KCNH5: variants seen among roughly 807,000 people sequenced by gnomAD.
KCNH5 encodes the protein potassium voltage-gated channel subfamily H member 5, also known as voltage-gated delayed rectifier potassium channel KCNH5.
A neutral mutation model predicts 96.1 loss-of-function variants in KCNH5; 46 were observed. The ratio of observed to expected loss-of-function variants is 0.48; its 90% confidence interval spans 0.38 to 0.61. The LOEUF is 0.61. Ranked by LOEUF, KCNH5 falls within the 20% of genes least tolerant of loss-of-function variation. The probability of loss-of-function intolerance (pLI) is 0.00; values close to 1 mark genes in which losing one functional copy is unlikely to be tolerated. For missense variants in KCNH5, 907 were observed against 1,225.8 expected, an observed-to-expected ratio of 0.74 and a Z score of 3.88; for synonymous variants, 439 against 449.8, an observed-to-expected ratio of 0.98 and a Z score of 0.30.
chr14:62,937,439 T>C (rs1348740669), intron 7 of KCNH5, among the ~76,000 whole-genome samples: 1 of 152,200 alleles, frequency 6.6e-6, no homozygotes, highest in Non-Finnish European at 1.5e-5. Flanking sequence ...AAGTAAGGGC[T>C]ACTATCCTGT....
chr14:62,894,676 C>T (rs1418945684), intron 7 of KCNH5, among the ~76,000 whole-genome samples: 2 of 152,138 alleles, frequency 1.3e-5, no homozygotes, highest in Non-Finnish European at 2.9e-5. Flanking sequence ...TTTGCCTGAC[C>T]ATTTGCTGAA....
intron 10 of KCNH5, among the ~76,000 whole-genome samples, chr14:62,722,732 T>C (rs1884841367): frequency 6.6e-6 from 1 of 152,202 alleles, no homozygotes; most frequent in South Asian, 2.1e-4. Flanking sequence ...CGTAATACAC[T>C]TTATAAAGCT....
At chr14:62,991,494 C>T (rs1444890316) in intron 4 of KCNH5, among the ~76,000 whole-genome samples, 2 of 151,958 alleles carry the variant, frequency 1.3e-5, no homozygotes, top group African/African-American at 4.8e-5. Context: ...GGAAAGGATT[C>T]TTTCTTCCTA....
chr14:62,845,060 A>G (rs1312883679), intron 8 of KCNH5, among the ~76,000 whole-genome samples: 4 of 152,160 alleles, frequency 2.6e-5, no homozygotes, highest in Admixed American at 1.3e-4. Context: ...TTCATATATT[A>G]TATTTCCTTT....
At chr14:62,910,359 C>T (rs987154057) in intron 7 of KCNH5, among the ~76,000 whole-genome samples, 5 of 151,812 alleles carry the variant, frequency 3.3e-5, no homozygotes, top group African/African-American at 4.8e-5. Flanking sequence ...ACATATTTTA[C>T]GGGGTGTCCT....
chr14:62,949,721 C>G (rs1889962139), intron 7 of KCNH5: 1 of 176,686 alleles, frequency 5.7e-6, no homozygotes, highest in African/African-American at 2.4e-5. Flanking sequence ...AAAAGTGTAT[C>G]CTAAGGTCAA....
intron 8 of KCNH5, among the ~76,000 whole-genome samples, chr14:62,816,252 C>T (rs1217210451): frequency 1.3e-5 from 2 of 151,802 alleles, no homozygotes; most frequent in African/African-American, 2.4e-5. Flanking sequence ...AACACTAACA[C>T]TTACATAGGT....
intron 9 of KCNH5, among the ~76,000 whole-genome samples, chr14:62,787,736 A>G (rs551264639): frequency 1.9e-4 from 29 of 152,336 alleles, no homozygotes; most frequent in African/African-American, 6.5e-4. Flanking sequence ...AATCTTAAGA[A>G]TTATGCTAAA....
chr14:63,026,973 A>T (rs1198220745), intron 1 of KCNH5, among the ~76,000 whole-genome samples: 1 of 152,102 alleles, frequency 6.6e-6, no homozygotes, highest in Non-Finnish European at 1.5e-5. Context: ...CAACAGATGA[A>T]TAACGAAAAT....
intron 1 of KCNH5, among the ~76,000 whole-genome samples, chr14:63,030,669 C>A (rs1053224724): frequency 6.6e-6 from 1 of 152,136 alleles, no homozygotes; most frequent in Non-Finnish European, 1.5e-5. Flanking sequence ...GGCATCAATA[C>A]TTATTGTTAA....
intron 10 of KCNH5, among the ~76,000 whole-genome samples, chr14:62,760,604 A>C (rs1885726084): frequency 6.6e-6 from 1 of 152,254 alleles, no homozygotes; most frequent in South Asian, 2.1e-4. Context: ...GTGAAATCAA[A>C]TGTCAACTTC....
intron 8 of KCNH5, among the ~76,000 whole-genome samples, chr14:62,822,317 A>C (rs1887131692): frequency 1.3e-5 from 2 of 152,130 alleles, no homozygotes; most frequent in South Asian, 4.1e-4. Flanking sequence ...AAGACCTAAG[A>C]CCACTGAAAA....
intron 10 of KCNH5, among the ~76,000 whole-genome samples, chr14:62,773,159 A>G (rs1317897664): frequency 4.6e-5 from 7 of 152,226 alleles, no homozygotes; most frequent in Non-Finnish European, 1.5e-5. Flanking sequence ...TGAGCTTCCA[A>G]GGACTAGATT....
At chr14:62,950,747 T>G (rs1201076091) in intron 6 of KCNH5, among the ~76,000 whole-genome samples, 188 bp from the exon 7 acceptor site, 1 of 152,118 alleles carries the variant, frequency 6.6e-6, no homozygotes, top group Non-Finnish European at 1.5e-5. Flanking sequence ...AATAGATATC[T>G]TCCTACCCAA....
At position 62,957,091 on chromosome 14, in the gene KCNH5, C is replaced by T. The variant is rs186449234; in HGVS notation, c.943-6532G>A. ...GGACTTTCAGCCATCAGCCTTCCAC[C>T]TTTCTAGCCAATTTCCTTACTTGAC... On this transcript the variant is annotated intron_variant, in intron 6 of 10. Transcript: ENST00000322893. Among the ~76,000 whole-genome samples, 533 of 152,292 alleles carry T rather than the reference C, an allele frequency of 3.5e-3. 4 individuals carry two copies. Among genetic ancestry groups the T allele is most frequent in the African/African-American group, 0.012 (513 of 41,552 alleles).
intron 6 of KCNH5, among the ~76,000 whole-genome samples, chr14:62,956,763 C>T (rs570338584): frequency 2.6e-5 from 4 of 152,242 alleles, no homozygotes; most frequent in African/African-American, 9.6e-5. Context: ...TTTAATTTCA[C>T]TTATATGATA....
At chr14:62,800,663 T>C (rs140133524) in intron 9 of KCNH5, among the ~76,000 whole-genome samples, 27 of 152,294 alleles carry the variant, frequency 1.8e-4, no homozygotes, top group African/African-American at 5.8e-4. Context: ...ATAAAATACA[T>C]TTGTTTTGGC....
chr14:62,914,829 A>G (rs537051627), intron 7 of KCNH5, among the ~76,000 whole-genome samples: 1 of 152,226 alleles, frequency 6.6e-6, no homozygotes, highest in Non-Finnish European at 1.5e-5. Context: ...ACTAGACAAC[A>G]CTCATGAGAT....
chr14:62,841,000 A>T (rs1210088125), intron 8 of KCNH5, among the ~76,000 whole-genome samples: 1 of 152,136 alleles, frequency 6.6e-6, no homozygotes, highest in East Asian at 1.9e-4. Context: ...AAAGGAACTA[A>T]AAGTGGATTT....
Sources: gnomAD v4.1 joint callset for allele counts (sites outside exome capture counted in the v4.1 genomes callset) on GRCh38, gnomAD v4.1.1 for gene constraint, MANE v1.5 for transcripts, NCBI Gene and HGNC (gene_info 2026-07-23, HGNC 2026-07-21) for gene names.